Variants in KCNB2 observed in about 807,000 individuals in gnomAD.
KCNB2 encodes delayed rectifier potassium channel protein.
In KCNB2, 15 loss-of-function variants were observed where a neutral mutation model predicts 61.5. The observed-to-expected ratio is 0.24, with a 90% CI of 0.16 to 0.38. The LOEUF (loss-of-function observed/expected upper bound fraction) is 0.38. Among genes scored for constraint, KCNB2 ranks in the 10% least tolerant of loss-of-function variants. KCNB2 has a pLI of 1.00. For synonymous variants in KCNB2, 457 were observed against 446.0 expected (o/e 1.02, Z -0.31); for missense variants, 828 against 1,125.2 (o/e 0.74, Z 3.78).
intron 2 of KCNB2, among the ~76,000 whole-genome samples, chr8:72,735,676 TAAG>T: frequency 6.6e-6 from 1 of 152,322 alleles, no homozygotes; most frequent in South Asian, 2.1e-4. Context: ...CTTAGTATAT[TAAG>T]AAGAAGAACA....
intron 2 of KCNB2, among the ~76,000 whole-genome samples, chr8:72,652,674 T>C (rs1806230882): frequency 6.6e-6 from 1 of 152,016 alleles, no homozygotes; most frequent in Non-Finnish European, 1.5e-5. Context: ...TAATGACCGG[T>C]ACCCTTTCTG....
intron 2 of KCNB2, among the ~76,000 whole-genome samples, chr8:72,865,048 C>G (rs1182506515): frequency 6.6e-6 from 1 of 152,206 alleles, no homozygotes; most frequent in Non-Finnish European, 1.5e-5. Context: ...TGTGGCCACT[C>G]TCCTGGGAGA....
intron 2 of KCNB2, among the ~76,000 whole-genome samples, chr8:72,855,246 C>A (rs1810187878): frequency 6.6e-6 from 1 of 152,188 alleles, no homozygotes; most frequent in African/African-American, 2.4e-5. Context: ...AGAAGTTTAT[C>A]CTTGCTTGTA....
At chr8:72,925,209 G>T (rs1267157582) in intron 2 of KCNB2, among the ~76,000 whole-genome samples, 1 of 152,182 alleles carries the variant, frequency 6.6e-6, no homozygotes, top group African/African-American at 2.4e-5. Context: ...TGTTAATGGT[G>T]ATAGATGAGA....
rs568761508 is a variant in KCNB2 at position 72,570,810 on chromosome 8, A to G, written c.579+2497A>G. On this transcript the variant is annotated intron_variant, in intron 2 of 2. Transcript: ENST00000523207. ...TCCTCACTTGCTGAGGAGGTAAGAT[A>G]GCTTTAAAGCAGAATATCTGTGGAC... Among the ~76,000 whole-genome samples, 13 of 152,266 alleles carry G rather than the reference A, an allele frequency of 8.5e-5. No individual in the cohort carries two copies. In the East Asian group the frequency reaches 9.7e-4, roughly 11 times the overall value.
At chr8:72,683,088 A>G (rs1025609078) in intron 2 of KCNB2, among the ~76,000 whole-genome samples, 42 of 152,322 alleles carry the variant, frequency 2.8e-4, no homozygotes, top group African/African-American at 1.0e-3. Flanking sequence ...TAATAGGTGG[A>G]TCCTTCTGAA....
chr8:72,922,021 A>G lies in KCNB2; in HGVS notation c.580-13914A>G, dbSNP rs79529301. On this transcript the variant is annotated intron_variant, in intron 2 of 2. Transcript: ENST00000523207. The stretch of plus-strand genomic sequence containing the variant: ...GCCATATTCATTTCCTCAGGCTAAG[A>G]AAGGTACTCTCTCACAGTTCTGGAA... Among the ~76,000 whole-genome samples the G allele has an allele frequency of 8.2e-3, 1,249 of 152,296 alleles. 11 individuals carry two copies. Among genetic ancestry groups the G allele is most frequent in the Non-Finnish European group, 0.011 (764 of 68,024 alleles).
intron 2 of KCNB2, among the ~76,000 whole-genome samples, chr8:72,651,038 G>A (rs892124218): frequency 2.0e-5 from 3 of 152,044 alleles, no homozygotes; most frequent in Admixed American, 6.6e-5. Flanking sequence ...TTACCATGTC[G>A]CAAGGCTGTG....
intron 2 of KCNB2, among the ~76,000 whole-genome samples, chr8:72,773,993 A>C (rs1055123073): frequency 1.3e-5 from 2 of 152,236 alleles, no homozygotes; most frequent in African/African-American, 4.8e-5. Flanking sequence ...ACATAGTAAC[A>C]ATAATAACAA....
chr8:72,656,536 C>T (rs1806294654), intron 2 of KCNB2, among the ~76,000 whole-genome samples: 2 of 152,236 alleles, frequency 1.3e-5, no homozygotes, highest in South Asian at 4.2e-4. Flanking sequence ...CCAAATTGTA[C>T]ATGTATAATC....
chr8:72,790,321 C>T (rs1214873349), intron 2 of KCNB2, among the ~76,000 whole-genome samples: 1 of 152,126 alleles, frequency 6.6e-6, no homozygotes, highest in Non-Finnish European at 1.5e-5. Flanking sequence ...TGAAGAGACA[C>T]TAACCAGGGG....
At chr8:72,572,594 G>A (rs182847343) in intron 2 of KCNB2, among the ~76,000 whole-genome samples, 1 of 148,226 alleles carries the variant, frequency 6.7e-6, no homozygotes, top group East Asian at 2.0e-4. Flanking sequence ...CTCTCACACA[G>A]ACACACACAG....
intron 2 of KCNB2, among the ~76,000 whole-genome samples, chr8:72,639,769 C>T (rs758641145): frequency 1.3e-5 from 2 of 152,026 alleles, no homozygotes; most frequent in Non-Finnish European, 2.9e-5. Context: ...AACACGATTT[C>T]AAGGGAGAGG....
chr8:72,642,539 C>T (rs1055075782), intron 2 of KCNB2, among the ~76,000 whole-genome samples: 1 of 152,072 alleles, frequency 6.6e-6, no homozygotes, highest in East Asian at 1.9e-4. Context: ...TGACTGGGTT[C>T]ATAACCTGTG....
chr8:72,864,100 C>T (rs1177691225), intron 2 of KCNB2, among the ~76,000 whole-genome samples: 1 of 152,218 alleles, frequency 6.6e-6, no homozygotes, highest in Non-Finnish European at 1.5e-5. Context: ...AAACTCCAGA[C>T]TGCCTCACAA....
intron 2 of KCNB2, among the ~76,000 whole-genome samples, chr8:72,752,485 C>T (rs1439614251): frequency 1.3e-5 from 2 of 152,008 alleles, no homozygotes; most frequent in East Asian, 3.9e-4. Context: ...TTCTTTTCTC[C>T]CTCACTGCTG....
intron 2 of KCNB2, among the ~76,000 whole-genome samples, chr8:72,604,553 T>A (rs1320458932): frequency 6.6e-6 from 1 of 152,182 alleles, no homozygotes; most frequent in African/African-American, 2.4e-5. Context: ...AAAATTAACA[T>A]GTATCTGACA....
At chr8:72,929,183 T>C (rs1030626259) in intron 2 of KCNB2, among the ~76,000 whole-genome samples, 1 of 152,150 alleles carries the variant, frequency 6.6e-6, no homozygotes, top group East Asian at 1.9e-4. Context: ...GGTAGAACCA[T>C]GTGTTTGAAT....
chr8:72,891,247 T>G (rs1440267944), intron 2 of KCNB2, among the ~76,000 whole-genome samples: 3 of 152,160 alleles, frequency 2.0e-5, no homozygotes, highest in Non-Finnish European at 4.4e-5. Context: ...GTAAAGATTG[T>G]GGTCATATAT....
Sources: gnomAD v4.1 joint callset for allele counts (sites outside exome capture counted in the v4.1 genomes callset) on GRCh38, gnomAD v4.1.1 for gene constraint, MANE v1.5 for transcripts, NCBI Gene and HGNC (gene_info 2026-07-23, HGNC 2026-07-21) for gene names.